Variants in ZSCAN9 observed in about 807,000 individuals in gnomAD.
ZSCAN9 encodes the protein zinc finger and SCAN domain containing 9.
A neutral mutation model predicts 23.0 loss-of-function variants in ZSCAN9; 19 were observed. The observed-to-expected ratio is 0.83, with a 90% CI of 0.58 to 1.21. ZSCAN9 has a LOEUF of 1.21. Among genes scored for constraint, ZSCAN9 ranks in the 50% most tolerant of loss-of-function variants. ZSCAN9 has a pLI of 0.00. For missense variants in ZSCAN9, 467 were observed against 471.5 expected (o/e 0.99, Z 0.09); for synonymous variants, 155 against 164.8 (o/e 0.94, Z 0.46).
At chr6:28,228,254 T>TG in intron 3 of ZSCAN9, 1 of 569,496 alleles carries the variant, frequency 1.8e-6, no homozygotes, top group Non-Finnish European at 3.1e-6. Context: ...TTAGTCTACT[T>TG]GCGCTGCCTT....
intron 3 of ZSCAN9, 159 bp downstream of exon 3, chr6:28,227,996 C>G (rs1244139693): frequency 1.1e-6 from 1 of 891,370 alleles, no homozygotes; most frequent in Admixed American, 2.0e-5. Flanking sequence ...ATCTTTGACC[C>G]TTCTCCCTGC....
Position 28,227,091 on chromosome 6 carries a change from A to G in ZSCAN9, c.7A>G (p.Thr3Ala). The G allele has an allele frequency of 6.2e-7, 1 of 1,613,192 alleles. No individual in the cohort carries two copies. Among genetic ancestry groups the G allele is most frequent in the South Asian group, 1.1e-5 (1 of 90,952 alleles). MN[T>A]NSKEVLSLGV... ...TAAGCTGTTCAAGGTCAAGATGAAT[A>G]CAAACTCAAAGGAGGTTTTATCCCT... Residue 3 changes from threonine (T) to alanine (A), a missense_variant, in exon 2 of 4, where the codon ACA becomes GCA. Physicochemically the swap from Thr to Ala is moderately conservative, Grantham distance 58. Transcript: ENST00000252207.
Position 28,227,686 on chromosome 6 carries a change from C to T in ZSCAN9, c.421-4C>T. On this transcript the variant is annotated splice_region_variant and splice_polypyrimidine_tract_variant and intron_variant, in intron 2 of 3. Transcript: ENST00000252207. ...AAAGTCAAATCTTGTCTTTTTGTCC[C>T]CAGATGGTGGCCCACAGACACAGAC... The T allele has an allele frequency of 6.3e-7, 1 of 1,586,064 alleles. No homozygotes were observed. The highest frequency in any genetic ancestry group is 8.5e-7 in the Non-Finnish European group (1 of 1,173,530).
At chr6:28,229,191 T>C (rs1760211969) in intron 3 of ZSCAN9, 1 of 152,230 alleles carries the variant, frequency 6.6e-6, no homozygotes. Context: ...ATGTGTTGAG[T>C]AAATTCTGTG....
Position 28,227,229 on chromosome 6 carries a change from G to A in ZSCAN9, c.145G>A (p.Glu49Lys), listed in dbSNP as rs1404328959. The A allele has an allele frequency of 6.2e-7, 1 of 1,614,226 alleles. No homozygotes were observed. Among genetic ancestry groups the A allele is most frequent in the South Asian group, 1.1e-5 (1 of 91,088 alleles). Reference protein sequence around the residue: ...RLKRSNPLAREIFRRHFRQLC... With the variant: ...RLKRSNPLARKIFRRHFRQLC... The stretch of plus-strand genomic sequence containing the variant: ...GAAACGCAGTAATCCACTGGCAAGG[G>A]AAATCTTCCGAAGGCACTTTCGACA... Residue 49 changes from glutamate to lysine, a missense_variant, in exon 2 of 4, where the codon GAA becomes AAA. Physicochemically the swap from Glu to Lys is moderately conservative, Grantham distance 56. Transcript: ENST00000252207.
rs960486537 is a variant in ZSCAN9, at chr6:28,233,427, T to C, written c.*249T>C. On this transcript the variant is annotated 3_prime_UTR_variant, in exon 4 of 4. Transcript: ENST00000252207. Reference sequence around the variant, plus strand: ...TTATAATTTATTTATTTTTTTGAGATGGCTGCTAAACCCTTCTAATAATAT... The same window carrying C: ...TTATAATTTATTTATTTTTTTGAGACGGCTGCTAAACCCTTCTAATAATAT... 5.1e-5 allele frequency: 24 copies of C among 472,500 alleles called. No individual in the cohort carries two copies. The Admixed American group carries it at 9.3e-4, about 18-fold the overall frequency. The allele number at this position is 472,500 out of a possible 1,614,324, so 29.3% of individuals were successfully genotyped here.
In ZSCAN9 at chr6:28,227,303, C is replaced by T. The variant is rs535055119; in HGVS notation, c.219C>T (p.Leu73=). 3.5e-5 allele frequency: 57 copies of T among 1,614,238 alleles called. No homozygotes were observed. In the South Asian group the frequency reaches 6.1e-4, roughly 17 times the overall value. Reference sequence around the variant, plus strand: ...GACCAAGGGAGGCTCTTACTCGACTCCAGGAACTTTGCTACCAGTGGTTGA... The same window carrying T: ...GACCAAGGGAGGCTCTTACTCGACTTCAGGAACTTTGCTACCAGTGGTTGA... ...TPGPREALTR[L]QELCYQWLRP... is the part of the protein sequence containing the mutation. Residue 73 remains leucine (L), a synonymous_variant, in exon 2 of 4, where the codon CTC becomes CTT. Transcript: ENST00000252207.
rs1760303264 is a variant in ZSCAN9, at chr6:28,231,617, G to A, written c.569-945G>A. On this transcript the variant is annotated intron_variant, in intron 3 of 3. Transcript: ENST00000252207. ...AACAAACAAAAAATTAGCCAGGCAT[G>A]GTGATGTGTGCCTGTAGTCCCAGCT... Among the ~76,000 whole-genome samples the A allele has an allele frequency of 2.6e-5, 4 of 152,080 alleles. No individual in the cohort carries two copies. The South Asian group carries it at 6.2e-4, about 24-fold the overall frequency.
At chr6:28,232,527 A>T (rs771159677) in intron 3 of ZSCAN9, 35 bp from the exon 4 acceptor site, 30 of 1,581,256 alleles carry the variant, frequency 1.9e-5, no homozygotes, top group Non-Finnish European at 2.6e-5. Flanking sequence ...CTCAGGGAAC[A>T]AGTGACATTT....
chr6:28,233,251 CTT>C lies in ZSCAN9; in HGVS notation c.*75_*76del. The C allele has an allele frequency of 6.5e-7, 1 of 1,529,782 alleles. No individual in the cohort carries two copies. The highest frequency in any genetic ancestry group is 2.3e-5 in the East Asian group (1 of 44,210). The allele number at this position is 1,529,782 out of a possible 1,614,324, so 94.8% of individuals were successfully genotyped here. ...GGCAGGTTGAGACTAGAAAATGCCT[CTT>C]TCTTCCTTTCTCCATGAAATGTGTT... On this transcript the variant is annotated 3_prime_UTR_variant, in exon 4 of 4. Coordinates refer to ENST00000252207, the MANE Select transcript of ZSCAN9 (RefSeq NM_006299.5).
chr6:28,227,323 G>A lies in ZSCAN9; in HGVS notation c.239G>A (p.Trp80Ter), dbSNP rs1016696109. The A allele has an allele frequency of 3.1e-6, 5 of 1,614,082 alleles. No individual in the cohort carries two copies. The African/African-American group carries it at 4.0e-5, about 13-fold the overall frequency. Residue 80 changes from tryptophan to a stop codon, truncating the protein, a stop_gained, in exon 2 of 4, where the codon TGG becomes TAG. Coordinates refer to ENST00000252207, the MANE Select transcript of ZSCAN9 (RefSeq NM_006299.5). LOFTEE classifies it high-confidence loss of function. ...CGACTCCAGGAACTTTGCTACCAGT[G>A]GTTGAGGCCACATGTGAGCACAAAG... ...LTRLQELCYQ[W>*]LRPHVSTKEQ...
chr6:28,227,283 A>G lies in ZSCAN9; in HGVS notation c.199A>G (p.Arg67Gly), dbSNP rs1471876094. 6.2e-7 allele frequency: 1 copy of G among 1,614,224 alleles called. No homozygotes were observed. Among genetic ancestry groups the G allele is most frequent in the Non-Finnish European group, 8.5e-7 (1 of 1,180,030 alleles). Residue 67 changes from arginine to glycine, a missense_variant, in exon 2 of 4, where the codon AGG becomes GGG. Arg to Gly is a moderately radical substitution (Grantham distance 125). Coordinates refer to ENST00000252207, the MANE Select transcript of ZSCAN9 (RefSeq NM_006299.5). ...GTGCTACCAAGAGACCCCTGGACCA[A>G]GGGAGGCTCTTACTCGACTCCAGGA... ...QLCYQETPGP[R>G]EALTRLQELC...
rs750459202 is a variant in ZSCAN9 at position 28,233,338 on chromosome 6, G to A, written c.*160G>A. 2 of 1,303,114 alleles carry A rather than the reference G, an allele frequency of 1.5e-6. No homozygotes were observed. The highest frequency in any genetic ancestry group is 2.9e-5 in the Admixed American group (1 of 33,984). 80.7% of individuals were successfully genotyped at this position (1,303,114 alleles called of 1,614,324 possible). On this transcript the variant is annotated 3_prime_UTR_variant, in exon 4 of 4. Coordinates refer to ENST00000252207, the MANE Select transcript of ZSCAN9 (RefSeq NM_006299.5). Reference sequence around the variant, plus strand: ...CTTAAAGGAAAGTTGGGTGTTTGAAGCTACTGTTTTCTCTTTTGTTCATTT... The same window carrying A: ...CTTAAAGGAAAGTTGGGTGTTTGAAACTACTGTTTTCTCTTTTGTTCATTT...
Position 28,233,278 on chromosome 6 carries a change from T to C in ZSCAN9, c.*100T>C. 1 of 1,512,428 alleles carries C rather than the reference T, an allele frequency of 6.6e-7. No homozygotes were observed. Among genetic ancestry groups the C allele is most frequent in the Non-Finnish European group, 8.8e-7 (1 of 1,136,486 alleles). The allele number at this position is 1,512,428 out of a possible 1,614,324, so 93.7% of individuals were successfully genotyped here. On this transcript the variant is annotated 3_prime_UTR_variant, in exon 4 of 4. Transcript: ENST00000252207. ...TTCTTCCTTTCTCCATGAAATGTGT[T>C]TGAAACAAATCCTGACTTAAGGCCC...
At chr6:28,228,980 C>T (rs1478736943) in intron 3 of ZSCAN9, 15 of 152,314 alleles carry the variant, frequency 9.8e-5, no homozygotes, top group Admixed American at 9.8e-4. Context: ...TAAAATCATG[C>T]CCTCTTACTG....
At chr6:28,229,088 CCT>C (rs1243939928) in intron 3 of ZSCAN9, 3 of 152,172 alleles carry the variant, frequency 2.0e-5, no homozygotes, top group African/African-American at 7.2e-5. Context: ...ACTTCCCTTG[CCT>C]CTTTGTCCCT....
intron 1 of ZSCAN9, 193 bp from the exon 2 acceptor site, chr6:28,226,819 C>A (rs1442960003): frequency 3.8e-6 from 1 of 260,248 alleles, no homozygotes; most frequent in Admixed American, 4.8e-5. Context: ...AAAGAAAACC[C>A]ATATCTGGGT....
intron 1 of ZSCAN9, among the ~76,000 whole-genome samples, chr6:28,225,964 A>G (rs182054692): frequency 2.0e-5 from 3 of 152,272 alleles, no homozygotes; most frequent in Admixed American, 6.5e-5. Flanking sequence ...GCTTCCTGGC[A>G]TTTTGGAGAC....
In ZSCAN9 at chr6:28,227,411, G is replaced by C. The variant is rs1297407299; in HGVS notation, c.327G>C (p.Gln109His). 6.2e-7 allele frequency: 1 copy of C among 1,614,204 alleles called. No individual in the cohort carries two copies. Among genetic ancestry groups the C allele is most frequent in the Admixed American group, 1.7e-5 (1 of 60,032 alleles). The change falls in exon 2 of 4, where the codon CAG becomes CAC. Residue 109 changes from glutamine to histidine, a missense_variant. Transcript: ENST00000252207. The stretch of plus-strand genomic sequence containing the variant: ...TATCCATTCTGCCCAAGGAGCTCCA[G>C]GGCTGGGTGAGGGAACACTGTCCAG... ...QFLSILPKEL[Q>H]GWVREHCPES...
Sources: allele counts gnomAD v4.1 joint callset (sites outside exome capture counted in the v4.1 genomes callset), GRCh38; gene constraint gnomAD v4.1.1; transcripts MANE v1.5; gene names NCBI Gene and HGNC (gene_info 2026-07-23, HGNC 2026-07-21).